The following CSMD3 variants were observed in gnomAD, a reference collection of about 807,000 sequenced individuals.
The protein encoded by CSMD3 is CUB and Sushi multiple domains 3.
CSMD3 carries 177 observed loss-of-function variants against 435.2 expected under a neutral mutation model. The observed-to-expected ratio is 0.41, with a 90% CI of 0.36 to 0.46. The LOEUF (loss-of-function observed/expected upper bound fraction) is 0.46. CSMD3 is among the 20% of genes least tolerant of loss of function. The pLI is 0.34. For synonymous variants in CSMD3, 1,656 were observed against 1,520.5 expected (o/e 1.09, Z -2.07); for missense variants, 4,265 against 4,504.6 (o/e 0.95, Z 1.52).
chr8:112,723,700 C>T (rs139201581), intron 13 of CSMD3, among the ~76,000 whole-genome samples: 6 of 152,090 alleles, frequency 3.9e-5, no homozygotes, highest in Non-Finnish European at 8.8e-5. Context: ...GGTTTAAATC[C>T]CATCTTTAAA....
At chr8:112,324,049 T>C in intron 45 of CSMD3, among the ~76,000 whole-genome samples, 1 of 152,110 alleles carries the variant, frequency 6.6e-6, no homozygotes, top group East Asian at 1.9e-4. Context: ...TATCATTTTG[T>C]TGCTGCCATT....
intron 22 of CSMD3, among the ~76,000 whole-genome samples, chr8:112,613,782 T>G (rs148416335): frequency 6.6e-6 from 1 of 152,122 alleles, no homozygotes; most frequent in Non-Finnish European, 1.5e-5. Context: ...TTTTTCATGA[T>G]GTATCTATTC....
chr8:112,879,726 A>C (rs2130180937), intron 10 of CSMD3, among the ~76,000 whole-genome samples: 1 of 152,226 alleles, frequency 6.6e-6, no homozygotes, highest in African/African-American at 2.4e-5. Context: ...GAAAATAGAA[A>C]AGAATCTACA....
intron 1 of CSMD3, among the ~76,000 whole-genome samples, chr8:113,419,301 A>G (rs1247199956): frequency 6.6e-6 from 1 of 151,900 alleles, no homozygotes; most frequent in Admixed American, 6.6e-5. Context: ...TATTTTTAGT[A>G]GAGACAGGCT....
At chr8:113,296,316 ATAG>A (rs1282186971) in intron 2 of CSMD3, among the ~76,000 whole-genome samples, 7 of 150,704 alleles carry the variant, frequency 4.6e-5, no homozygotes, top group Non-Finnish European at 7.4e-5. Context: ...AATAATAATA[ATAG>A]AACAGCCTGG....
intron 16 of CSMD3, among the ~76,000 whole-genome samples, chr8:112,672,859 C>A (rs1274198858): frequency 6.6e-6 from 1 of 151,990 alleles, no homozygotes; most frequent in Non-Finnish European, 1.5e-5. Flanking sequence ...TGTTTTAAGA[C>A]CTCGATGAAA....
rs567614963 is a variant in CSMD3, at chr8:112,996,065, C to T, written c.1031-19917G>A. ...TGTATGGTGGAATGGCTAAGTTAAG[C>T]TAATTAATATATGAATTATGTCATA... On this transcript the variant is annotated intron_variant, in intron 6 of 70. Coordinates refer to ENST00000297405, the MANE Select transcript of CSMD3 (RefSeq NM_198123.2). 3.3e-5 allele frequency among the ~76,000 whole-genome samples: 5 copies of T among 151,374 alleles called. No individual in the cohort carries two copies. The East Asian group carries it at 9.7e-4, about 29-fold the overall frequency.
chr8:112,500,677 T>C (rs1002884917), intron 30 of CSMD3, among the ~76,000 whole-genome samples: 1 of 152,132 alleles, frequency 6.6e-6, no homozygotes, highest in Non-Finnish European at 1.5e-5. Context: ...AGCCATCATA[T>C]CACTTTCTTT....
chr8:112,616,903 A>C (rs1183809375), intron 22 of CSMD3, among the ~76,000 whole-genome samples: 2 of 152,210 alleles, frequency 1.3e-5, no homozygotes, highest in Non-Finnish European at 2.9e-5. Flanking sequence ...TGTACCTTTA[A>C]GAGGGAAAAT....
rs116340985 is a variant in CSMD3, at chr8:112,933,570, C to T, written c.1509-11819G>A. Among the ~76,000 whole-genome samples the T allele has an allele frequency of 3.2e-3, 483 of 152,262 alleles. 4 individuals carry two copies. Among genetic ancestry groups the T allele is most frequent in the African/African-American group, 1.0e-2 (415 of 41,560 alleles). On this transcript the variant is annotated intron_variant, in intron 9 of 70. Coordinates refer to ENST00000297405, the MANE Select transcript of CSMD3 (RefSeq NM_198123.2). ...CAATGGAGTGCATCACACTCTGATACTCTGAATCATAGATCAGAGAAGGGT... is the reference window on the plus strand; with the variant it reads ...CAATGGAGTGCATCACACTCTGATATTCTGAATCATAGATCAGAGAAGGGT...
chr8:112,602,690 AT>A (rs1832459978), intron 22 of CSMD3, among the ~76,000 whole-genome samples: 2 of 151,836 alleles, frequency 1.3e-5, no homozygotes, highest in Admixed American at 1.3e-4. Flanking sequence ...ATTAATATAT[AT>A]TTAGTATGTT....
At chr8:113,257,888 A>G (rs1185349880) in intron 3 of CSMD3, among the ~76,000 whole-genome samples, 1 of 152,170 alleles carries the variant, frequency 6.6e-6, no homozygotes, top group African/African-American at 2.4e-5. Flanking sequence ...TAACACACTA[A>G]GAAAAAAATT....
intron 38 of CSMD3, among the ~76,000 whole-genome samples, chr8:112,365,291 T>G (rs60128946): frequency 0.18 from 27,268 of 151,982 alleles, 3,024 homozygotes; most frequent in Middle Eastern, 0.35. Flanking sequence ...ACCTTTCCAT[T>G]AATATTTGAA....
intron 27 of CSMD3, among the ~76,000 whole-genome samples, chr8:112,519,077 G>A (rs1001352340): frequency 6.6e-6 from 1 of 152,074 alleles, no homozygotes; most frequent in African/African-American, 2.4e-5. Context: ...TTAGAGATGA[G>A]ATTTGGGTGG....
intron 54 of CSMD3, 64 bp from the exon 55 acceptor site, chr8:112,292,774 A>G: frequency 7.4e-7 from 1 of 1,348,888 alleles, no homozygotes; most frequent in Non-Finnish European, 1.1e-6. Flanking sequence ...GTTATCAGTT[A>G]TTGCATTATT....
intron 3 of CSMD3, among the ~76,000 whole-genome samples, chr8:113,261,734 A>C (rs1017086780): frequency 2.6e-5 from 4 of 152,130 alleles, no homozygotes; most frequent in Admixed American, 6.6e-5. Context: ...AATACAAAAT[A>C]AATATTAGAA....
At chr8:112,503,658 T>C (rs1012040900) in intron 30 of CSMD3, 132 bp downstream of exon 30, 1 of 591,862 alleles carries the variant, frequency 1.7e-6, no homozygotes, top group Non-Finnish European at 2.9e-6. Flanking sequence ...TTTTATGAGA[T>C]GAACTGTACA....
intron 2 of CSMD3, among the ~76,000 whole-genome samples, chr8:113,301,767 G>A (rs530228048): frequency 2.0e-5 from 3 of 151,704 alleles, no homozygotes; most frequent in East Asian, 3.9e-4. Context: ...TTTCTGTATG[G>A]GTTCAGTATC....
At chr8:112,615,270 A>G (rs993743613) in intron 22 of CSMD3, among the ~76,000 whole-genome samples, 3 of 152,100 alleles carry the variant, frequency 2.0e-5, no homozygotes, top group Non-Finnish European at 4.4e-5. Flanking sequence ...AGTGGATGAG[A>G]CTAATTTAGG....
Sources: gnomAD v4.1 joint callset for allele counts (sites outside exome capture counted in the v4.1 genomes callset) on GRCh38, gnomAD v4.1.1 for gene constraint, MANE v1.5 for transcripts, NCBI Gene and HGNC (gene_info 2026-07-23, HGNC 2026-07-21) for gene names.